The following WHRN variants were observed in gnomAD, a reference collection of about 807,000 sequenced individuals.
WHRN encodes CASK-interacting protein CIP98.
A neutral mutation model predicts 68.3 loss-of-function variants in WHRN; 41 were observed. The observed-to-expected ratio is 0.60, with a 90% CI of 0.47 to 0.78. The LOEUF is 0.78. WHRN is among the 30% of genes least tolerant of loss of function. WHRN has a pLI of 0.00. For synonymous variants in WHRN, 560 were observed against 561.3 expected (o/e 1.00, Z 0.03); for missense variants, 1,243 against 1,244.7 (o/e 1.00, Z 0.02).
intron 2 of WHRN, among the ~76,000 whole-genome samples, chr9:114,467,737 T>C (rs10982234): frequency 0.063 from 9,645 of 152,052 alleles, 385 homozygotes; most frequent in Non-Finnish European, 0.085. Context: ...TAAGTGTGTC[T>C]CCGGTATGAA....
At chr9:114,459,414 GATC>G (rs1840067208) in intron 3 of WHRN, among the ~76,000 whole-genome samples, 1 of 152,150 alleles carries the variant, frequency 6.6e-6, no homozygotes, top group East Asian at 1.9e-4. Flanking sequence ...AGTGAGCTGA[GATC>G]ATGCCACTAC....
chr9:114,499,712 A>C (rs1282488654), intron 1 of WHRN, among the ~76,000 whole-genome samples: 1 of 152,248 alleles, frequency 6.6e-6, no homozygotes, highest in Non-Finnish European at 1.5e-5. Context: ...AGGTGCAGGC[A>C]GGCTGTGTAC....
chr9:114,452,000 G>A (rs973987808), intron 3 of WHRN, among the ~76,000 whole-genome samples: 3 of 152,104 alleles, frequency 2.0e-5, no homozygotes, highest in African/African-American at 7.2e-5. Flanking sequence ...GACAGAGGGC[G>A]GACTCCCAAA....
chr9:114,458,738 C>A (rs1331635706), intron 3 of WHRN, among the ~76,000 whole-genome samples: 2 of 152,104 alleles, frequency 1.3e-5, no homozygotes, highest in Admixed American at 1.3e-4. Flanking sequence ...GCATCATGCT[C>A]TGCATGGAAA....
chr9:114,432,526 A>T (rs1416899801), intron 3 of WHRN, among the ~76,000 whole-genome samples: 1 of 152,196 alleles, frequency 6.6e-6, no homozygotes, highest in Admixed American at 6.5e-5. Flanking sequence ...TGTGTTTCTG[A>T]GCACAGACCC....
At chr9:114,425,479 C>A in intron 4 of WHRN, 1 of 401,648 alleles carries the variant, frequency 2.5e-6, no homozygotes, top group Non-Finnish European at 4.5e-6. Context: ...AAGAAGCATC[C>A]AGAAATCCAG....
chr9:114,426,353 C>A lies in WHRN; in HGVS notation c.1024G>T (p.Ala342Ser), dbSNP rs1269773796. 1.2e-6 allele frequency: 2 copies of A among 1,614,132 alleles called. No homozygotes were observed. The highest frequency in any genetic ancestry group is 1.7e-5 in the Admixed American group (1 of 60,030). The change falls in exon 4 of 12, where the codon GCT becomes TCT. Residue 342 changes from alanine to serine, a missense_variant. Coordinates refer to ENST00000362057, the MANE Select transcript of WHRN (RefSeq NM_015404.4). ...CGAGATGACTTAAGCAGCCTGACAG[C>A]CTCGTCGTGTAGGATGTTGAGAAAG... ...RSFLNILHDEAVRLLKSSRHL... is the reference protein window; with the variant it reads ...RSFLNILHDESVRLLKSSRHL...
chr9:114,409,032 G>A (rs1017350525), intron 7 of WHRN, among the ~76,000 whole-genome samples: 1 of 152,198 alleles, frequency 6.6e-6, no homozygotes, highest in Non-Finnish European at 1.5e-5. Flanking sequence ...CAGCTTCCCT[G>A]GGCCTCCGAC....
intron 3 of WHRN, among the ~76,000 whole-genome samples, chr9:114,438,682 AC>A (rs1838097373): frequency 6.6e-6 from 1 of 151,778 alleles, no homozygotes; most frequent in South Asian, 2.1e-4. Flanking sequence ...CTATCTCCTG[AC>A]CTCATGATCC....
intron 1 of WHRN, among the ~76,000 whole-genome samples, chr9:114,499,168 T>C (rs1352685016): frequency 6.6e-6 from 1 of 152,328 alleles, no homozygotes; most frequent in East Asian, 1.9e-4. Context: ...ACTTGCCCCA[T>C]GATGCTGCTT....
intron 4 of WHRN, chr9:114,425,989 AGAAT>A: frequency 1.6e-6 from 1 of 624,450 alleles, no homozygotes; most frequent in East Asian, 2.8e-5. Context: ...GGACAAATAA[AGAAT>A]GAGACAGTTG....
At chr9:114,419,582 C>T (rs902872200) in intron 7 of WHRN, among the ~76,000 whole-genome samples, 3 of 152,196 alleles carry the variant, frequency 2.0e-5, no homozygotes, top group African/African-American at 7.2e-5. Flanking sequence ...AGTCACTCCC[C>T]TTGGGAGGAT....
At chr9:114,430,232 C>T (rs906918992) in intron 3 of WHRN, among the ~76,000 whole-genome samples, 1 of 152,146 alleles carries the variant, frequency 6.6e-6, no homozygotes, top group African/African-American at 2.4e-5. Context: ...CTATGAGCAT[C>T]GACGTGGCCT....
chr9:114,413,150 G>A (rs1835573102), intron 7 of WHRN, among the ~76,000 whole-genome samples: 1 of 152,186 alleles, frequency 6.6e-6, no homozygotes, highest in South Asian at 2.1e-4. Context: ...TTCGCCAGTG[G>A]GGGCCTAGAT....
In WHRN at chr9:114,404,096, A is replaced by T; in HGVS notation, c.2237-19T>A. The T allele has an allele frequency of 1.2e-6, 2 of 1,610,292 alleles. No homozygotes were observed. The highest frequency in any genetic ancestry group is 1.7e-6 in the Non-Finnish European group (2 of 1,179,396). On this transcript the variant is annotated intron_variant, in intron 9 of 11. Coordinates refer to ENST00000362057, the MANE Select transcript of WHRN (RefSeq NM_015404.4). ...GAGGCTGCTGGAGAGGGGAAAAGGA[A>T]GAGAGAAGCAGCTTATATAGCTGGG...
chr9:114,429,101 T>C (rs1458604498), intron 3 of WHRN, among the ~76,000 whole-genome samples: 4 of 152,130 alleles, frequency 2.6e-5, no homozygotes. Context: ...CAGCTAACTT[T>C]TTGTATTTTA....
At chr9:114,489,089 G>A (rs1483329517) in intron 1 of WHRN, among the ~76,000 whole-genome samples, 1 of 152,116 alleles carries the variant, frequency 6.6e-6, no homozygotes, top group Admixed American at 6.5e-5. Context: ...TCAGGCCTTT[G>A]CACGTGATGC....
At chr9:114,496,945 C>G (rs1388483564) in intron 1 of WHRN, among the ~76,000 whole-genome samples, 1 of 152,138 alleles carries the variant, frequency 6.6e-6, no homozygotes, top group Non-Finnish European at 1.5e-5. Context: ...TCTGGTCAAG[C>G]CTTTATGGGG....
At chr9:114,403,123 G>A (rs999962352) in intron 11 of WHRN, 94 bp downstream of exon 11, 17 of 1,581,702 alleles carry the variant, frequency 1.1e-5, no homozygotes, top group South Asian at 3.3e-5. Flanking sequence ...CTTGAGTGCC[G>A]TGTTACCCAT....
Sources: gnomAD v4.1 joint callset for allele counts (sites outside exome capture counted in the v4.1 genomes callset) on GRCh38, gnomAD v4.1.1 for gene constraint, MANE v1.5 for transcripts, NCBI Gene and HGNC (gene_info 2026-07-23, HGNC 2026-07-21) for gene names.